Variants in ANKFN1 observed in about 807,000 individuals in gnomAD.
The protein encoded by ANKFN1 is ankyrin repeat and fibronectin type-III domain-containing protein 1.
In ANKFN1, 74 loss-of-function variants were observed where a neutral mutation model predicts 108.7. The ratio of observed to expected loss-of-function variants is 0.68; its 90% CI spans 0.56 to 0.83. ANKFN1 has a LOEUF of 0.83. ANKFN1 is among the 40% of genes least tolerant of loss of function. The pLI, the probability that ANKFN1 is intolerant of heterozygous loss-of-function variation, is 0.00. For synonymous variants in ANKFN1, 547 were observed against 516.2 expected (o/e 1.06, Z -0.81); for missense variants, 1,505 against 1,382.3 (o/e 1.09, Z -1.41).
intron 4 of ANKFN1, among the ~76,000 whole-genome samples, chr17:56,122,481 C>T (rs1309036979): frequency 6.6e-6 from 1 of 152,142 alleles, no homozygotes; most frequent in Non-Finnish European, 1.5e-5. Context: ...TGATTAGAAG[C>T]ATAGTATGTA....
chr17:56,312,980 C>G (rs2045082178), intron 3 of ANKFN1, among the ~76,000 whole-genome samples: 1 of 151,946 alleles, frequency 6.6e-6, no homozygotes, highest in South Asian at 2.1e-4. Context: ...GGTGATGAAA[C>G]CCCGTCTCTA....
intron 1 of ANKFN1, among the ~76,000 whole-genome samples, chr17:56,188,581 G>GTGTGTGTGTATATATATATA (rs1212242378): frequency 8.1e-5 from 4 of 49,644 alleles, no homozygotes; most frequent in African/African-American, 2.0e-4. Flanking sequence ...GTGTGTGTGT[G>GTGTGTGTGTATATATATATA]TATATATATA....
chr17:56,267,608 A>C (rs2043685997), intron 3 of ANKFN1, among the ~76,000 whole-genome samples: 1 of 152,222 alleles, frequency 6.6e-6, no homozygotes, highest in African/African-American at 2.4e-5. Flanking sequence ...AATCTTCTAC[A>C]TATGGCTAAG....
chr17:56,189,587 G>A (rs1051379869), intron 1 of ANKFN1, among the ~76,000 whole-genome samples: 5 of 152,170 alleles, frequency 3.3e-5, no homozygotes, highest in Non-Finnish European at 7.3e-5. Flanking sequence ...GGACTTTTGG[G>A]ATCTGAAGTT....
intron 8 of ANKFN1, among the ~76,000 whole-genome samples, chr17:56,388,820 G>T (rs1334547228): frequency 1.3e-5 from 2 of 152,008 alleles, no homozygotes; most frequent in African/African-American, 2.4e-5. Context: ...ACTCACTAGG[G>T]TTGCCATTAG....
At chr17:56,164,903 C>A (rs1181400806) in intron 1 of ANKFN1, among the ~76,000 whole-genome samples, 3 of 152,190 alleles carry the variant, frequency 2.0e-5, no homozygotes, top group Non-Finnish European at 4.4e-5. Context: ...TGGTAGTATA[C>A]ACAAAATGCT....
chr17:56,259,443 A>G (rs2043446150), intron 3 of ANKFN1, among the ~76,000 whole-genome samples: 1 of 152,196 alleles, frequency 6.6e-6, no homozygotes, highest in Non-Finnish European at 1.5e-5. Flanking sequence ...CTACTAGGGC[A>G]AAGTGGTGAA....
intron 3 of ANKFN1, among the ~76,000 whole-genome samples, chr17:56,239,789 G>A (rs1016916311): frequency 6.6e-6 from 1 of 152,074 alleles, no homozygotes; most frequent in Non-Finnish European, 1.5e-5. Context: ...GCAGGCTACT[G>A]GTCAGCATAC....
At chr17:56,051,112 C>A (rs1904766767) in intron 4 of ANKFN1, among the ~76,000 whole-genome samples, 1 of 74,758 alleles carries the variant, frequency 1.3e-5, no homozygotes. Flanking sequence ...AGAGACACAA[C>A]CAAAAAAGAG....
intron 4 of ANKFN1, among the ~76,000 whole-genome samples, chr17:56,050,665 C>T (rs924367790): frequency 4.3e-4 from 65 of 151,582 alleles, no homozygotes; most frequent in Admixed American, 6.6e-4. Context: ...TTCCCCATTG[C>T]TTGTTTTTCT....
intron 4 of ANKFN1, among the ~76,000 whole-genome samples, chr17:56,113,266 T>A (rs1411572480): frequency 6.6e-6 from 1 of 152,150 alleles, no homozygotes; most frequent in Non-Finnish European, 1.5e-5. Flanking sequence ...TCTTTAGGAT[T>A]TTTGGGTAAT....
chr17:56,402,194 G>A (rs1162781610), intron 8 of ANKFN1, among the ~76,000 whole-genome samples: 2 of 152,120 alleles, frequency 1.3e-5, no homozygotes, highest in Non-Finnish European at 2.9e-5. Flanking sequence ...GTATTAGAGT[G>A]ATGCTGGCTT....
At chr17:56,240,477 C>G (rs921969460) in intron 3 of ANKFN1, among the ~76,000 whole-genome samples, 4 of 151,874 alleles carry the variant, frequency 2.6e-5, no homozygotes, top group African/African-American at 9.7e-5. Context: ...CCAATTTTTG[C>G]TATAAAAAAA....
intron 8 of ANKFN1, among the ~76,000 whole-genome samples, chr17:56,402,846 A>G (rs952754265): frequency 1.3e-5 from 2 of 152,116 alleles, no homozygotes; most frequent in Non-Finnish European, 2.9e-5. Context: ...ATTTAGGGCT[A>G]TGAACTTTCC....
At chr17:56,346,238 G>A (rs139023713) in intron 4 of ANKFN1, among the ~76,000 whole-genome samples, 37 of 151,870 alleles carry the variant, frequency 2.4e-4, no homozygotes, top group African/African-American at 8.7e-4. Flanking sequence ...GTTCTGTTCC[G>A]TTGGTCTATA....
At chr17:56,389,800 T>C (rs1035048659) in intron 8 of ANKFN1, among the ~76,000 whole-genome samples, 1 of 152,190 alleles carries the variant, frequency 6.6e-6, no homozygotes, top group Non-Finnish European at 1.5e-5. Context: ...TCCTGAGATA[T>C]GAGTTCCTTG....
At chr17:56,183,357 G>T (rs1270479185) in intron 1 of ANKFN1, among the ~76,000 whole-genome samples, 1 of 152,248 alleles carries the variant, frequency 6.6e-6, no homozygotes, top group African/African-American at 2.4e-5. Flanking sequence ...ACCAACATTA[G>T]CCAGTGATAT....
chr17:56,245,498 T>C (rs1006318301), intron 3 of ANKFN1, among the ~76,000 whole-genome samples: 4 of 152,092 alleles, frequency 2.6e-5, no homozygotes, highest in African/African-American at 9.7e-5. Flanking sequence ...GTTTTGACAA[T>C]TGATTATTTT....
At chr17:56,398,255 T>C (rs1413593706) in intron 8 of ANKFN1, among the ~76,000 whole-genome samples, 4 of 152,198 alleles carry the variant, frequency 2.6e-5, no homozygotes, top group African/African-American at 9.7e-5. Context: ...AATGAATGAA[T>C]ACATGAATGA....
Sources: allele counts gnomAD v4.1 joint callset (sites outside exome capture counted in the v4.1 genomes callset), GRCh38; gene constraint gnomAD v4.1.1; transcripts MANE v1.5; gene names NCBI Gene and HGNC (gene_info 2026-07-23, HGNC 2026-07-21).